Variants in RYR2 observed in about 807,000 individuals in gnomAD.
RYR2 encodes cardiac muscle ryanodine receptor-calcium release channel.
RYR2 carries 227 observed loss-of-function variants against 601.1 expected under a neutral mutation model. That is an observed-to-expected ratio of 0.38 (90% CI 0.34 to 0.42). The LOEUF (loss-of-function observed/expected upper bound fraction) is 0.42. RYR2 is among the 10% of genes least tolerant of loss of function. The pLI is 1.00. For missense variants in RYR2, 4,646 were observed against 6,156.5 expected, an observed-to-expected ratio of 0.75 and a Z score of 8.21; for synonymous variants, 2,223 against 2,175.1, an observed-to-expected ratio of 1.02 and a Z score of -0.61.
chr1:237,165,756 A>G (rs1159690199), intron 1 of RYR2, among the ~76,000 whole-genome samples: 1 of 152,084 alleles, frequency 6.6e-6, no homozygotes, highest in Admixed American at 6.6e-5. Context: ...AGTCCCAGCT[A>G]CTTGAGAGGC....
chr1:237,167,692 CTGAT>C (rs145429986), intron 1 of RYR2, among the ~76,000 whole-genome samples: 7 of 139,182 alleles, frequency 5.0e-5, no homozygotes, highest in East Asian at 2.1e-4. Flanking sequence ...GAACTGATGT[CTGAT>C]TGATCCACCT....
intron 97 of RYR2, 134 bp downstream of exon 97, chr1:237,798,304 A>G: frequency 1.3e-6 from 1 of 797,246 alleles, no homozygotes; most frequent in Non-Finnish European, 1.9e-6. Context: ...CAGAAAGTAT[A>G]TAAAGTCTAC....
intron 3 of RYR2, among the ~76,000 whole-genome samples, chr1:237,336,272 C>G (rs1410369366): frequency 6.6e-6 from 1 of 151,958 alleles, no homozygotes; most frequent in African/African-American, 2.4e-5. Context: ...TTCCAAGGAA[C>G]AATTTGAGCT....
At chr1:237,726,152 A>G (rs1358161138) in intron 74 of RYR2, 121 bp from the exon 75 acceptor site, 1 of 714,478 alleles carries the variant, frequency 1.4e-6, no homozygotes, top group Non-Finnish European at 2.4e-6. Context: ...AAACCACCGC[A>G]GTCCAAACAT....
At chr1:237,806,359 C>A in intron 99 of RYR2, 76 bp downstream of exon 99, 2 of 1,370,510 alleles carry the variant, frequency 1.5e-6, no homozygotes, top group Non-Finnish European at 2.0e-6. Context: ...TAAAACTACC[C>A]CTCAAATGAC....
intron 29 of RYR2, among the ~76,000 whole-genome samples, chr1:237,584,095 G>T (rs1471589277): frequency 6.6e-6 from 1 of 152,162 alleles, no homozygotes; most frequent in African/African-American, 2.4e-5. Flanking sequence ...GTTATTTGCA[G>T]GGTGTCAATT....
intron 63 of RYR2, among the ~76,000 whole-genome samples, chr1:237,696,507 G>A (rs2149010033): frequency 1.3e-5 from 2 of 148,862 alleles, no homozygotes; most frequent in Admixed American, 1.3e-4. Flanking sequence ...CAAGTGTATA[G>A]CTCTGGCTTA....
rs980314866 is a variant in RYR2 at position 237,079,683 on chromosome 1, C to T, written c.48+37114C>T. Among the ~76,000 whole-genome samples, 24 of 128,426 alleles carry T rather than the reference C, an allele frequency of 1.9e-4. No individual in the cohort carries two copies. In the South Asian group the frequency reaches 2.4e-3, roughly 13 times the overall value. The allele number at this position is 128,426 out of a possible 152,430, so 84.3% of individuals were successfully genotyped here. A position where few individuals can be genotyped will look rare whatever the true frequency, so the allele number is the denominator to read the frequency against. ...GCTCATGGGTAGGAAGAATCAATAT[C>T]GTGAAAATGGCCATACTGCCCAAGG... On this transcript the variant is annotated intron_variant, in intron 1 of 104. Transcript: ENST00000366574.
rs1188175665 is a variant in RYR2 at position 237,787,973 on chromosome 1, T to C, written c.13329-15T>C. The C allele has an allele frequency of 1.3e-6, 2 of 1,575,004 alleles. No individual in the cohort carries two copies. The highest frequency in any genetic ancestry group is 1.3e-5 in the African/African-American group (1 of 74,080). ...GTTTCTGGAGAGCTTATGTTTTGTT[T>C]GTTTGTTTTCATAGGGGAGAAGATG... is the stretch of plus-strand genomic sequence containing the variant. On this transcript the variant is annotated splice_polypyrimidine_tract_variant and intron_variant, in intron 91 of 104. Coordinates refer to ENST00000366574, the MANE Select transcript of RYR2 (RefSeq NM_001035.3).
At chr1:237,264,431 T>G (rs1017708953) in intron 1 of RYR2, among the ~76,000 whole-genome samples, 7 of 152,138 alleles carry the variant, frequency 4.6e-5, no homozygotes, top group Non-Finnish European at 1.0e-4. Flanking sequence ...GTATGATGAT[T>G]TGGGGAAGGC....
intron 23 of RYR2, among the ~76,000 whole-genome samples, chr1:237,507,585 A>G (rs1370471281): frequency 6.6e-6 from 1 of 152,250 alleles, no homozygotes; most frequent in African/African-American, 2.4e-5. Flanking sequence ...CGTTAGTAGT[A>G]GTATCATGTG....
At chr1:237,548,378 G>T in intron 25 of RYR2, 53 bp from the exon 26 acceptor site, 2 of 1,580,220 alleles carry the variant, frequency 1.3e-6, no homozygotes, top group South Asian at 1.1e-5. Context: ...TATTTACAGA[G>T]ATTTTTATGA....
intron 14 of RYR2, 64 bp from the exon 15 acceptor site, chr1:237,454,327 T>C: frequency 6.7e-7 from 1 of 1,502,040 alleles, no homozygotes; most frequent in Non-Finnish European, 9.0e-7. Context: ...AAATCATCTA[T>C]AAATGGAAAA....
intron 1 of RYR2, among the ~76,000 whole-genome samples, chr1:237,108,232 C>T (rs953020130): frequency 1.3e-5 from 2 of 152,122 alleles, no homozygotes; most frequent in South Asian, 2.1e-4. Flanking sequence ...AGGAGAGGGG[C>T]CTGGGAATCT....
At chr1:237,204,663 CTT>C (rs889351957) in intron 1 of RYR2, among the ~76,000 whole-genome samples, 13 of 152,278 alleles carry the variant, frequency 8.5e-5, no homozygotes, top group African/African-American at 3.1e-4. Flanking sequence ...TCAGACTTCA[CTT>C]TATATTGGCG....
rs114274704 is a variant in RYR2, at chr1:237,629,859, G to T, written c.6441-1568G>T. Among the ~76,000 whole-genome samples the T allele has an allele frequency of 1.5e-3, 226 of 152,122 alleles. 2 individuals carry two copies. Among genetic ancestry groups the T allele is most frequent in the Admixed American group, 1.7e-3 (26 of 15,280 alleles). ...TTAAAATTATAAAAATGGATGAAAG[G>T]TTCTATTAAAAATTCATAATTGTTG... is the stretch of plus-strand genomic sequence containing the variant. On this transcript the variant is annotated intron_variant, in intron 41 of 104. Transcript: ENST00000366574.
At chr1:237,121,338 C>T (rs768942236) in intron 1 of RYR2, among the ~76,000 whole-genome samples, 7 of 152,152 alleles carry the variant, frequency 4.6e-5, no homozygotes, top group Non-Finnish European at 1.0e-4. Flanking sequence ...GTGCCAAGCA[C>T]GGTGGCTGGC....
chr1:237,547,944 A>G (rs1461595156), intron 25 of RYR2, among the ~76,000 whole-genome samples: 1 of 152,236 alleles, frequency 6.6e-6, no homozygotes. Context: ...GTAAGGAAAT[A>G]AGTTACAAAT....
intron 5 of RYR2, among the ~76,000 whole-genome samples, chr1:237,366,693 C>G (rs893222458): frequency 7.3e-6 from 1 of 136,914 alleles, no homozygotes; most frequent in Admixed American, 7.5e-5. Flanking sequence ...CACACACACA[C>G]ACACACACAC....
Sources: gnomAD v4.1 joint callset for allele counts (sites outside exome capture counted in the v4.1 genomes callset) on GRCh38, gnomAD v4.1.1 for gene constraint, MANE v1.5 for transcripts, NCBI Gene and HGNC (gene_info 2026-07-23, HGNC 2026-07-21) for gene names.